Variants in CEP63 observed in about 807,000 individuals in gnomAD.
CEP63 encodes centrosomal protein of 63 kDa.
A neutral mutation model predicts 89.1 loss-of-function variants in CEP63; 84 were observed. The ratio of observed to expected loss-of-function variants is 0.94; its 90% CI spans 0.79 to 1.13. CEP63 has a LOEUF of 1.13. Ranked by LOEUF, CEP63 falls within the 50% of genes most tolerant of loss-of-function variation. CEP63 has a pLI of 0.00. For synonymous variants in CEP63, 267 were observed against 272.5 expected (o/e 0.98, Z 0.20); for missense variants, 838 against 813.3 (o/e 1.03, Z -0.37).
chr3:134,700,569 A>ATT, the CEP63 span, among the ~76,000 whole-genome samples: 1 of 149,416 alleles, frequency 6.7e-6, no homozygotes, highest in Non-Finnish European at 1.5e-5. Context: ...GTTTTTAGTT[A>ATT]TTTTTTTTTT....
the CEP63 span, among the ~76,000 whole-genome samples, chr3:134,707,662 C>A: frequency 6.6e-6 from 1 of 151,482 alleles, no homozygotes. Context: ...TGATGTTGAA[C>A]AGTGCAGGCT....
At chr3:134,547,610 A>ATTTATTT in intron 9 of CEP63, 138 bp downstream of exon 9, 4 of 226,812 alleles carry the variant, frequency 1.8e-5, no homozygotes, top group Non-Finnish European at 1.4e-5. Flanking sequence ...CTAAGTTCTT[A>ATTTATTT]TTTCTTTTTT....
the CEP63 span, chr3:134,629,632 G>A: frequency 1.2e-6 from 2 of 1,600,376 alleles, no homozygotes; most frequent in Non-Finnish European, 1.7e-6. Context: ...TTTAGCCAAG[G>A]AGAACTTCTT....
the CEP63 span, among the ~76,000 whole-genome samples, chr3:134,624,366 T>C: frequency 6.6e-6 from 1 of 152,338 alleles, no homozygotes; most frequent in East Asian, 1.9e-4. Context: ...ATCCATGCAC[T>C]CACCATCCAC....
chr3:134,520,045 A>G (rs1486876870), intron 3 of CEP63, among the ~76,000 whole-genome samples: 1 of 152,196 alleles, frequency 6.6e-6, no homozygotes, highest in Non-Finnish European at 1.5e-5. Flanking sequence ...CAGTATCACC[A>G]CTTTTTTTGT....
the CEP63 span, among the ~76,000 whole-genome samples, chr3:134,663,904 G>A: frequency 1.1e-4 from 16 of 152,314 alleles, no homozygotes; most frequent in East Asian, 2.7e-3. Context: ...TTCTCCCACT[G>A]CATCCTGCCA....
At chr3:134,651,246 G>C in the CEP63 span, 8 of 1,234,962 alleles carry the variant, frequency 6.5e-6, no homozygotes, top group Non-Finnish European at 8.2e-6. Context: ...AGTCAGCAGG[G>C]GCGGCCGGTC....
intron 14 of CEP63, among the ~76,000 whole-genome samples, chr3:134,559,808 A>T (rs1019925174): frequency 6.6e-6 from 1 of 152,186 alleles, no homozygotes; most frequent in African/African-American, 2.4e-5. Flanking sequence ...GAAAGGAGAA[A>T]GGGAGTGTGG....
chr3:134,498,626 T>C (rs1288420371), intron 2 of CEP63, among the ~76,000 whole-genome samples: 1 of 152,176 alleles, frequency 6.6e-6, no homozygotes, highest in Non-Finnish European at 1.5e-5. Context: ...GCATCCTTGT[T>C]GTGTTCAGGT....
chr3:134,590,807 A>G (rs1958582757), downstream of CEP63, among the ~76,000 whole-genome samples: 1 of 152,182 alleles, frequency 6.6e-6, no homozygotes, highest in Non-Finnish European at 1.5e-5. Flanking sequence ...AATTCCCTCA[A>G]TAAAGTCAGC....
At position 134,538,549 on chromosome 3, in the gene CEP63, ATATATG is replaced by A. The variant is rs1183807682; in HGVS notation, c.555+1287_555+1292del. Reference sequence around the variant, plus strand: ...TGTGTGTGTGTATATATATATATATATATATGTATATATATATTTTTTTAACAACAA... The same window carrying A: ...TGTGTGTGTGTATATATATATATATATATATATATATTTTTTTAACAACAA... On this transcript the variant is annotated intron_variant, in intron 6 of 14. Transcript: ENST00000675561. Among the ~76,000 whole-genome samples the A allele has an allele frequency of 9.9e-5, 14 of 141,110 alleles. 1 individual carries two copies. Among genetic ancestry groups the A allele is most frequent in the Non-Finnish European group, 2.0e-4 (13 of 64,700 alleles). The allele number at this position is 141,110 out of a possible 152,430, so 92.6% of individuals were successfully genotyped here. A position where few individuals can be genotyped will look rare whatever the true frequency, so the allele number is the denominator to read the frequency against.
the CEP63 span, among the ~76,000 whole-genome samples, chr3:134,637,737 AACT>A: frequency 6.6e-6 from 1 of 152,188 alleles, no homozygotes; most frequent in South Asian, 2.1e-4. Context: ...AAAAACATGA[AACT>A]TGTTTGCCAT....
chr3:134,546,366 A>T, intron 8 of CEP63, 78 bp downstream of exon 8: 4 of 1,324,718 alleles, frequency 3.0e-6, no homozygotes, highest in Non-Finnish European at 4.2e-6. Context: ...TTTTATTTTT[A>T]TTTTTATTTT....
chr3:134,716,537 G>A, the CEP63 span, among the ~76,000 whole-genome samples: 2 of 152,144 alleles, frequency 1.3e-5, no homozygotes, highest in African/African-American at 4.8e-5. Flanking sequence ...AGTTTGGGTT[G>A]TCTAGGGTCT....
chr3:134,495,718 C>T (rs1939606869), intron 2 of CEP63, among the ~76,000 whole-genome samples: 1 of 152,188 alleles, frequency 6.6e-6, no homozygotes, highest in Non-Finnish European at 1.5e-5. Context: ...ACCCATTAAC[C>T]AAACATTCTT....
chr3:134,548,367 T>G (rs559504837), intron 9 of CEP63, among the ~76,000 whole-genome samples: 1 of 152,344 alleles, frequency 6.6e-6, no homozygotes, highest in South Asian at 2.1e-4. Context: ...TCTGCTGTGG[T>G]GTTGTTACTT....
intron 10 of CEP63, among the ~76,000 whole-genome samples, chr3:134,581,323 G>A (rs1013654651): frequency 5.9e-5 from 9 of 152,136 alleles, no homozygotes; most frequent in Non-Finnish European, 1.2e-4. Context: ...GCTCACACCT[G>A]TAATCCAAGC....
At position 134,500,027 on chromosome 3, in the gene CEP63, T is replaced by C. The variant is rs547437179; in HGVS notation, c.44+4663T>C. 2.8e-4 allele frequency among the ~76,000 whole-genome samples: 42 copies of C among 152,088 alleles called. 1 individual carries two copies. Among genetic ancestry groups the C allele is most frequent in the South Asian group, 1.0e-3 (5 of 4,802 alleles). On this transcript the variant is annotated intron_variant, in intron 2 of 14. Coordinates refer to ENST00000675561, the MANE Select transcript of CEP63 (RefSeq NM_001353108.3). ...TTTTGGTAGAGATGGGATTTCGCCA[T>C]GTTGGCCAGGCTGGTCTCGAACTCC...
At position 134,586,259 on chromosome 3, in the gene CEP63, C is replaced by T. The variant is rs188381862; in HGVS notation, c.1207-1199C>T. Among the ~76,000 whole-genome samples the T allele has an allele frequency of 4.4e-4, 67 of 151,590 alleles. 1 individual carries two copies. The East Asian group carries it at 0.012, about 28-fold the overall frequency. ...TATAATGTTAGCTGGTAATTTTGCCCGTTAATTGATGCAGTTTCTTTATAG... is the reference window on the plus strand; with the variant it reads ...TATAATGTTAGCTGGTAATTTTGCCTGTTAATTGATGCAGTTTCTTTATAG... On this transcript the variant is annotated intron_variant, in intron 10 of 10. Transcript: ENST00000683931.
Sources: gnomAD v4.1 joint callset for allele counts (sites outside exome capture counted in the v4.1 genomes callset) on GRCh38, gnomAD v4.1.1 for gene constraint, MANE v1.5 for transcripts, NCBI Gene and HGNC (gene_info 2026-07-23, HGNC 2026-07-21) for gene names.